Variants in ANK2 observed in about 807,000 individuals in gnomAD.
The protein encoded by ANK2 is ankyrin-2.
In ANK2, 83 loss-of-function variants were observed where a neutral mutation model predicts 360.5. The ratio of observed to expected loss-of-function variants is 0.23; its 90% CI spans 0.19 to 0.28. ANK2 has a LOEUF of 0.28. ANK2 is among the 10% of genes least tolerant of loss of function. The pLI, the probability that ANK2 is intolerant of heterozygous loss-of-function variation, is 1.00. For synonymous variants in ANK2, 1,740 were observed against 1,759.5 expected (o/e 0.99, Z 0.28); for missense variants, 4,201 against 4,795.7 (o/e 0.88, Z 3.66).
chr4:112,753,440 T>C, the ANK2 span, among the ~76,000 whole-genome samples: 2 of 152,154 alleles, frequency 1.3e-5, no homozygotes, highest in Non-Finnish European at 2.9e-5. Context: ...CCAGGCTACA[T>C]GGTATTGTCA....
intron 1 of ANK2, among the ~76,000 whole-genome samples, chr4:113,104,935 G>A (rs905301154): frequency 1.3e-5 from 2 of 152,066 alleles, no homozygotes; most frequent in African/African-American, 4.8e-5. Context: ...TGGACAGTGA[G>A]CAGCAGAAAC....
chr4:113,304,785 T>C (rs1331201415), intron 23 of ANK2, among the ~76,000 whole-genome samples: 1 of 152,112 alleles, frequency 6.6e-6, no homozygotes, highest in Non-Finnish European at 1.5e-5. Context: ...TAAAGTAACA[T>C]TTAAAAATTA....
chr4:112,866,700 A>T, intron 1 of ANK2, among the ~76,000 whole-genome samples: 1 of 152,174 alleles, frequency 6.6e-6, no homozygotes, highest in African/African-American at 2.4e-5. Context: ...ATTTTTTTTT[A>T]AAGGTAGTAT....
rs2070332647 is a variant in ANK2 at position 112,865,906 on chromosome 4, T to C, written c.-39-38549T>C. 4.6e-5 allele frequency among the ~76,000 whole-genome samples: 7 copies of C among 152,208 alleles called. No individual in the cohort carries two copies. The South Asian group carries it at 1.2e-3, about 27-fold the overall frequency. ...TAAGTTTTAAAGAAATTAAGTCCTC[T>C]GTTTTTTTCTGTAGCAATGTGAGTT... On this transcript the variant is annotated intron_variant, in intron 1 of 30. Transcript: ENST00000503271.
intron 20 of ANK2, among the ~76,000 whole-genome samples, chr4:113,289,944 C>G (rs959414049): frequency 6.6e-6 from 1 of 152,108 alleles, no homozygotes; most frequent in African/African-American, 2.4e-5. Flanking sequence ...TGGTTGGAAT[C>G]CAAGTATTCT....
intron 2 of ANK2, among the ~76,000 whole-genome samples, chr4:112,990,099 G>T (rs1490643626): frequency 6.6e-6 from 1 of 151,898 alleles, no homozygotes; most frequent in Non-Finnish European, 1.5e-5. Flanking sequence ...GTGAGACCCC[G>T]TCTCTACAAA....
intron 1 of ANK2, among the ~76,000 whole-genome samples, chr4:113,084,986 A>T (rs2083959963): frequency 6.6e-6 from 1 of 152,166 alleles, no homozygotes; most frequent in South Asian, 2.1e-4. Flanking sequence ...TTGGGTTGTT[A>T]AGGGTTATAA....
the ANK2 span, among the ~76,000 whole-genome samples, chr4:112,760,957 C>A: frequency 6.6e-6 from 1 of 151,684 alleles, no homozygotes; most frequent in African/African-American, 2.4e-5. Context: ...CAGGTGTACG[C>A]CACCATGCCC....
the ANK2 span, among the ~76,000 whole-genome samples, chr4:112,760,928 T>C: frequency 1.3e-5 from 2 of 151,152 alleles, no homozygotes; most frequent in African/African-American, 2.4e-5. Context: ...TGCTTCAGCC[T>C]CCCGAGTAGC....
At chr4:113,332,605 C>T (rs2092717051) in intron 28 of ANK2, among the ~76,000 whole-genome samples, 1 of 152,186 alleles carries the variant, frequency 6.6e-6, no homozygotes. Flanking sequence ...CTTTAGTTCA[C>T]AAGTAGTCAA....
intron 2 of ANK2, among the ~76,000 whole-genome samples, chr4:112,965,036 C>A (rs1027878093): frequency 6.6e-6 from 1 of 152,202 alleles, no homozygotes; most frequent in Non-Finnish European, 1.5e-5. Context: ...GTTGCTGGAT[C>A]ATATGGTAAC....
intron 1 of ANK2, chr4:113,145,951 C>A: frequency 7.8e-7 from 1 of 1,289,814 alleles, no homozygotes; most frequent in Non-Finnish European, 1.0e-6. Context: ...CTGGATAAAA[C>A]CCCAGACTAC....
intron 2 of ANK2, among the ~76,000 whole-genome samples, chr4:113,020,316 A>G (rs561582052): frequency 6.6e-6 from 1 of 152,208 alleles, no homozygotes; most frequent in South Asian, 2.1e-4. Context: ...CCTTTCTAGT[A>G]GCTGGGAGTA....
At chr4:112,763,343 C>G in the ANK2 span, among the ~76,000 whole-genome samples, 1 of 151,736 alleles carries the variant, frequency 6.6e-6, no homozygotes. Context: ...ATTCTCCTGC[C>G]TCAGCCTCCA....
chr4:113,327,592 G>T (rs1192524258), intron 26 of ANK2, among the ~76,000 whole-genome samples: 1 of 152,174 alleles, frequency 6.6e-6, no homozygotes, highest in Non-Finnish European at 1.5e-5. Context: ...CATCCACACT[G>T]TGCCAGGCTC....
the ANK2 span, among the ~76,000 whole-genome samples, chr4:112,790,402 C>T: frequency 6.6e-5 from 10 of 151,912 alleles, no homozygotes; most frequent in Admixed American, 1.3e-4. Flanking sequence ...ATTTCTGAGC[C>T]GGATGACCGG....
At chr4:113,186,320 G>A (rs565775464) in intron 2 of ANK2, among the ~76,000 whole-genome samples, 6 of 152,276 alleles carry the variant, frequency 3.9e-5, no homozygotes, top group African/African-American at 1.2e-4. Flanking sequence ...CTGACTGTTA[G>A]AAGGAAAACT....
intron 1 of ANK2, among the ~76,000 whole-genome samples, chr4:113,144,732 A>G (rs1043129692): frequency 3.4e-5 from 5 of 147,806 alleles, no homozygotes; most frequent in African/African-American, 1.2e-4. Flanking sequence ...ATTATATATA[A>G]TAATATTTAT....
Position 113,240,538 on chromosome 4 carries a change from A to G in ANK2, c.747A>G (p.Ala249=). Residue 249 remains alanine, a synonymous_variant, in exon 8 of 46, where the codon GCA becomes GCG. Coordinates refer to ENST00000357077, the MANE Select transcript of ANK2 (RefSeq NM_001148.6). ...IAAHYGNVNV[A]TLLLNRGAAV... ...CACATTACGGAAATGTCAACGTGGC[A>G]ACTCTTCTTCTAAACCGGGGAGCTG... The G allele has an allele frequency of 6.2e-7, 1 of 1,614,008 alleles. No individual in the cohort carries two copies. Among genetic ancestry groups the G allele is most frequent in the Non-Finnish European group, 8.5e-7 (1 of 1,179,938 alleles).
Sources: allele counts gnomAD v4.1 joint callset (sites outside exome capture counted in the v4.1 genomes callset), GRCh38; gene constraint gnomAD v4.1.1; transcripts MANE v1.5; gene names NCBI Gene and HGNC (gene_info 2026-07-23, HGNC 2026-07-21).